The following NFIB variants were observed in gnomAD, a reference collection of about 807,000 sequenced individuals.
NFIB encodes the protein nuclear factor 1 B-type.
In NFIB, 11 loss-of-function variants were observed where a neutral mutation model predicts 61.5. The observed-to-expected ratio is 0.18, with a 90% CI of 0.11 to 0.30. The LOEUF is 0.30. NFIB is among the 10% of genes least tolerant of loss of function. The pLI, the probability that NFIB is intolerant of heterozygous loss-of-function variation, is 1.00. For missense variants in NFIB, 471 were observed against 608.9 expected, an observed-to-expected ratio of 0.77 and a Z score of 2.38; for synonymous variants, 260 against 216.5, an observed-to-expected ratio of 1.20 and a Z score of -1.76.
At chr9:14,517,593 G>A in the NFIB span, among the ~76,000 whole-genome samples, 1 of 142,272 alleles carries the variant, frequency 7.0e-6, no homozygotes, top group Non-Finnish European at 1.6e-5. Flanking sequence ...GTCCTGCAGT[G>A]GATGTGTGGT....
chr9:14,510,194 C>A, the NFIB span, among the ~76,000 whole-genome samples: 1 of 152,216 alleles, frequency 6.6e-6, no homozygotes. Flanking sequence ...CCGTGCCCGG[C>A]CTTGAAGACG....
At chr9:14,486,899 A>C in the NFIB span, among the ~76,000 whole-genome samples, 1 of 152,210 alleles carries the variant, frequency 6.6e-6, no homozygotes, top group Non-Finnish European at 1.5e-5. Flanking sequence ...AAAAATGATA[A>C]AACTAATTTT....
the NFIB span, among the ~76,000 whole-genome samples, chr9:14,514,382 T>C: frequency 6.6e-6 from 1 of 151,448 alleles, no homozygotes; most frequent in African/African-American, 2.4e-5. Flanking sequence ...CACACCCGCT[T>C]GGCTCTTTTC....
chr9:14,440,072 T>C, the NFIB span, among the ~76,000 whole-genome samples: 295 of 152,298 alleles, frequency 1.9e-3, 3 homozygotes, highest in African/African-American at 6.7e-3. Context: ...CAGGTGGACC[T>C]ACTTTTTGTC....
the NFIB span, among the ~76,000 whole-genome samples, chr9:14,487,892 G>T: frequency 6.6e-6 from 1 of 152,166 alleles, no homozygotes; most frequent in Admixed American, 6.5e-5. Flanking sequence ...GCAGGCACAG[G>T]AGGGCAGGGT....
chr9:14,110,815 T>C (rs1691219613), intron 10 of NFIB, among the ~76,000 whole-genome samples: 1 of 152,124 alleles, frequency 6.6e-6, no homozygotes, highest in African/African-American at 2.4e-5. Flanking sequence ...TAGCATGATA[T>C]GCATTTATTT....
chr9:14,498,768 TCC>T, the NFIB span, among the ~76,000 whole-genome samples: 24 of 27,322 alleles, frequency 8.8e-4, no homozygotes, highest in African/African-American at 3.1e-3. Flanking sequence ...CTCATGGCCC[TCC>T]CTCCCTCCCT....
intron 2 of NFIB, among the ~76,000 whole-genome samples, chr9:14,228,115 A>G (rs1463574703): frequency 6.6e-6 from 1 of 152,106 alleles, no homozygotes; most frequent in East Asian, 1.9e-4. Flanking sequence ...GTGTTAAACT[A>G]CTGACTTTAA....
In NFIB at chr9:14,253,533, C is replaced by A. The variant is rs147884775; in HGVS notation, c.562+53456G>T. Reference sequence around the variant, plus strand: ...CCTTTGGCAATGAAGAAATAATGCACAAATAAAATGTTTTAGCCTAGCACA... The same window carrying A: ...CCTTTGGCAATGAAGAAATAATGCAAAAATAAAATGTTTTAGCCTAGCACA... On this transcript the variant is annotated intron_variant, in intron 2 of 10. Transcript: ENST00000380953. Among the ~76,000 whole-genome samples the A allele has an allele frequency of 2.3e-3, 355 of 152,214 alleles. 1 individual carries two copies. Among genetic ancestry groups the A allele is most frequent in the African/African-American group, 7.2e-3 (299 of 41,534 alleles).
chr9:14,483,168 T>G, the NFIB span, among the ~76,000 whole-genome samples: 1 of 152,296 alleles, frequency 6.6e-6, no homozygotes, highest in African/African-American at 2.4e-5. Context: ...ACAGAAAGAA[T>G]TGTTATGTTT....
chr9:14,094,016 T>C (rs1234339206), intron 10 of NFIB, among the ~76,000 whole-genome samples: 2 of 152,070 alleles, frequency 1.3e-5, no homozygotes. Context: ...ATAACAAATC[T>C]ATGAGAAAGA....
the NFIB span, among the ~76,000 whole-genome samples, chr9:14,522,270 T>G: frequency 6.6e-6 from 1 of 152,178 alleles, no homozygotes; most frequent in East Asian, 1.9e-4. Flanking sequence ...AACTAACATG[T>G]GTCATCAATA....
At chr9:14,237,225 C>T (rs2053829549) in intron 2 of NFIB, among the ~76,000 whole-genome samples, 1 of 152,218 alleles carries the variant, frequency 6.6e-6, no homozygotes, top group African/African-American at 2.4e-5. Context: ...GGTCTGAGAA[C>T]TGAAGGTGGT....
intron 2 of NFIB, among the ~76,000 whole-genome samples, chr9:14,224,755 C>G (rs1028610985): frequency 6.6e-6 from 1 of 152,166 alleles, no homozygotes. Context: ...GGGGTTGGGG[C>G]GGTCCTAGAA....
At chr9:14,163,228 G>A (rs1018909777) in intron 3 of NFIB, among the ~76,000 whole-genome samples, 1 of 151,700 alleles carries the variant, frequency 6.6e-6, no homozygotes, top group Non-Finnish European at 1.5e-5. Context: ...ATGCAATCAA[G>A]GCAGCAAAAA....
Position 14,146,819 on chromosome 9 carries a change from T to G in NFIB, c.807-12A>C, listed in dbSNP as rs202005765. The G allele has an allele frequency of 8.8e-5, 141 of 1,602,164 alleles. No homozygotes were observed. The highest frequency in any genetic ancestry group is 1.4e-4 in the Admixed American group (8 of 56,308). On this transcript the variant is annotated splice_polypyrimidine_tract_variant and intron_variant, in intron 5 of 10. Coordinates refer to ENST00000380953, the MANE Select transcript of NFIB (RefSeq NM_001190737.2). The stretch of plus-strand genomic sequence containing the variant: ...TTTTGGGTCTTTTGCTGTTAAAATA[T>G]GGCAATAGTTATATTAATGGGATTT...
intron 2 of NFIB, among the ~76,000 whole-genome samples, chr9:14,283,824 A>C (rs997579586): frequency 6.6e-5 from 10 of 152,240 alleles, no homozygotes; most frequent in Non-Finnish European, 1.3e-4. Context: ...ACATCTAAGC[A>C]AGTAGAAAGA....
chr9:14,162,904 G>A lies in NFIB; in HGVS notation c.617-7011C>T, dbSNP rs577371947. On this transcript the variant is annotated intron_variant, in intron 3 of 10. Transcript: ENST00000380953. ...TTTTTATGGCATAATAAAATTAAAT[G>A]TATGCCCTCTTATCTTTTTAATGGA... Among the ~76,000 whole-genome samples, 185 of 152,026 alleles carry A rather than the reference G, an allele frequency of 1.2e-3. 4 individuals carry two copies. Among genetic ancestry groups the A allele is most frequent in the Middle Eastern group, 3.4e-3 (1 of 294 alleles).
chr9:14,186,734 A>T (rs1307909704), intron 2 of NFIB, among the ~76,000 whole-genome samples: 2 of 151,160 alleles, frequency 1.3e-5, no homozygotes, highest in Non-Finnish European at 2.9e-5. Context: ...CTAGCTTTCC[A>T]TAATCAAGTT....
Sources: allele counts gnomAD v4.1 joint callset (sites outside exome capture counted in the v4.1 genomes callset), GRCh38; gene constraint gnomAD v4.1.1; transcripts MANE v1.5; gene names NCBI Gene and HGNC (gene_info 2026-07-23, HGNC 2026-07-21).